Variants in RALYL observed in about 807,000 individuals in gnomAD.
The protein encoded by RALYL is RALY RNA binding protein like.
A neutral mutation model predicts 35.1 loss-of-function variants in RALYL; 29 were observed. The observed-to-expected ratio is 0.83, with a 90% CI of 0.61 to 1.13. RALYL has a LOEUF of 1.13. Ranked by LOEUF, RALYL falls within the 50% of genes most tolerant of loss-of-function variation. The pLI is 0.00. For missense variants in RALYL, 359 were observed against 360.4 expected, an observed-to-expected ratio of 1.00 and a Z score of 0.03; for synonymous variants, 120 against 127.6, an observed-to-expected ratio of 0.94 and a Z score of 0.40.
chr8:84,544,202 G>T (rs938751276), intron 2 of RALYL, among the ~76,000 whole-genome samples: 1 of 151,900 alleles, frequency 6.6e-6, no homozygotes. Context: ...TATTATACTT[G>T]CTTTTCTTTA....
chr8:84,379,845 T>C (rs1309638339), intron 1 of RALYL, among the ~76,000 whole-genome samples: 1 of 151,112 alleles, frequency 6.6e-6, no homozygotes, highest in Non-Finnish European at 1.5e-5. Flanking sequence ...ATCTTAGCTT[T>C]GGTTTCTCTC....
At chr8:84,764,656 G>A (rs1157385667) in intron 2 of RALYL, among the ~76,000 whole-genome samples, 1 of 152,182 alleles carries the variant, frequency 6.6e-6, no homozygotes, top group Non-Finnish European at 1.5e-5. Context: ...CTCTACATTA[G>A]CATTCTAATA....
At chr8:84,235,767 CTTTTTT>C (rs556495836) in intron 1 of RALYL, among the ~76,000 whole-genome samples, 1 of 126,936 alleles carries the variant, frequency 7.9e-6, no homozygotes, top group Non-Finnish European at 1.6e-5. Flanking sequence ...TTTTCTTTTT[CTTTTTT>C]TTTTTTTTTT....
intron 2 of RALYL, among the ~76,000 whole-genome samples, chr8:84,587,996 A>G (rs1812373420): frequency 6.6e-6 from 1 of 152,102 alleles, no homozygotes; most frequent in Non-Finnish European, 1.5e-5. Context: ...GGCATTTCAT[A>G]TTTTCTACCC....
chr8:84,726,323 AT>A (rs1175543534), intron 2 of RALYL, among the ~76,000 whole-genome samples: 4 of 145,936 alleles, frequency 2.7e-5, no homozygotes, highest in African/African-American at 9.9e-5. Context: ...TAAATATATA[AT>A]TATATATAAT....
At chr8:84,441,917 A>T (rs1206875762) in intron 1 of RALYL, among the ~76,000 whole-genome samples, 3 of 152,082 alleles carry the variant, frequency 2.0e-5, no homozygotes, top group Non-Finnish European at 2.9e-5. Flanking sequence ...TCTGGGTTAT[A>T]ATTTATACAA....
intron 1 of RALYL, among the ~76,000 whole-genome samples, chr8:84,349,012 T>C (rs1461345020): frequency 1.3e-5 from 2 of 150,178 alleles, no homozygotes; most frequent in Non-Finnish European, 3.0e-5. Context: ...CTAACACCAC[T>C]GGTTTAGATT....
chr8:84,197,743 A>G (rs1815713300), intron 1 of RALYL, among the ~76,000 whole-genome samples: 1 of 151,552 alleles, frequency 6.6e-6, no homozygotes, highest in Non-Finnish European at 1.5e-5. Flanking sequence ...TGCCTGGGCA[A>G]TATAGCGAGA....
intron 8 of RALYL, among the ~76,000 whole-genome samples, chr8:84,910,995 T>G (rs1366482956): frequency 6.6e-6 from 1 of 152,050 alleles, no homozygotes; most frequent in African/African-American, 2.4e-5. Flanking sequence ...AACAAATAGA[T>G]TTTTCTTTGA....
chr8:84,276,442 C>T (rs943444354), intron 1 of RALYL, among the ~76,000 whole-genome samples: 1 of 152,122 alleles, frequency 6.6e-6, no homozygotes, highest in Non-Finnish European at 1.5e-5. Flanking sequence ...TTTTACAAAA[C>T]ATTTTCTTCT....
intron 1 of RALYL, among the ~76,000 whole-genome samples, chr8:84,347,228 A>AT (rs111947299): frequency 6.6e-6 from 1 of 151,872 alleles, no homozygotes; most frequent in Non-Finnish European, 1.5e-5. Flanking sequence ...CCATTACAGT[A>AT]TTTTTTAGCC....
At chr8:84,215,452 A>G (rs1031774663) in intron 1 of RALYL, among the ~76,000 whole-genome samples, 2 of 152,090 alleles carry the variant, frequency 1.3e-5, no homozygotes, top group Admixed American at 6.5e-5. Context: ...AAGTTTATTC[A>G]TTTAAAAGCA....
intron 1 of RALYL, among the ~76,000 whole-genome samples, chr8:84,402,434 G>C (rs892473812): frequency 6.6e-6 from 1 of 151,994 alleles, no homozygotes; most frequent in African/African-American, 2.4e-5. Context: ...TGATAATAAT[G>C]GTGTTCTAGA....
chr8:84,516,637 A>G (rs2134551978), intron 1 of RALYL, among the ~76,000 whole-genome samples: 1 of 152,334 alleles, frequency 6.6e-6, no homozygotes, highest in East Asian at 1.9e-4. Context: ...ATGAACTTAA[A>G]TATAAGCAGG....
chr8:84,837,163 T>A (rs1370366511), intron 4 of RALYL, among the ~76,000 whole-genome samples: 2 of 152,212 alleles, frequency 1.3e-5, no homozygotes, highest in Non-Finnish European at 2.9e-5. Flanking sequence ...GTTATCAAAT[T>A]CTGCCTCAAC....
rs948653754 is a variant in RALYL at position 84,694,899 on chromosome 8, C to T, written c.257-79680C>T. 3.1e-4 allele frequency among the ~76,000 whole-genome samples: 47 copies of T among 151,916 alleles called. 1 individual carries two copies. Among genetic ancestry groups the T allele is most frequent in the Admixed American group, 2.0e-4 (3 of 15,212 alleles). Reference sequence around the variant, plus strand: ...GTATAGCCAGTAATAATAGCTAACACTATACTTGTCATTATTCTAAGCACT... The same window carrying T: ...GTATAGCCAGTAATAATAGCTAACATTATACTTGTCATTATTCTAAGCACT... On this transcript the variant is annotated intron_variant, in intron 2 of 8. Coordinates refer to ENST00000521268, the MANE Select transcript of RALYL (RefSeq NM_173848.7).
intron 2 of RALYL, among the ~76,000 whole-genome samples, chr8:84,729,312 G>C (rs1433257560): frequency 6.6e-6 from 1 of 151,966 alleles, no homozygotes; most frequent in Non-Finnish European, 1.5e-5. Flanking sequence ...TGTGATTTTT[G>C]TACACTGATT....
intron 1 of RALYL, among the ~76,000 whole-genome samples, chr8:84,201,006 A>C (rs924154377): frequency 6.6e-6 from 1 of 152,202 alleles, no homozygotes; most frequent in Non-Finnish European, 1.5e-5. Context: ...TATATAATGT[A>C]TAAGAATGGA....
chr8:84,476,785 A>G (rs1390840962), intron 1 of RALYL, among the ~76,000 whole-genome samples: 1 of 152,196 alleles, frequency 6.6e-6, no homozygotes, highest in African/African-American at 2.4e-5. Flanking sequence ...GATGCAGCAG[A>G]TGCGGAAAGG....
Sources: gnomAD v4.1 joint callset for allele counts (sites outside exome capture counted in the v4.1 genomes callset) on GRCh38, gnomAD v4.1.1 for gene constraint, MANE v1.5 for transcripts, NCBI Gene and HGNC (gene_info 2026-07-23, HGNC 2026-07-21) for gene names.